The following ZNF536 variants were observed in gnomAD, a reference collection of about 807,000 sequenced individuals.
The protein encoded by ZNF536 is zinc finger protein 536.
Under a neutral mutation model 84.5 loss-of-function variants are expected in ZNF536, and 13 were observed. That is an observed-to-expected ratio of 0.15 (90% confidence interval 0.10 to 0.24). The LOEUF is 0.24. Among genes scored for constraint, ZNF536 ranks in the 10% least tolerant of loss-of-function variants. ZNF536 has a pLI of 1.00. For missense variants in ZNF536, 1,536 were observed against 1,747.5 expected (o/e 0.88, Z 2.16); for synonymous variants, 811 against 742.5 (o/e 1.09, Z -1.50).
intron 2 of ZNF536, among the ~76,000 whole-genome samples, chr19:30,289,741 C>T (rs568441275): frequency 1.3e-5 from 2 of 152,320 alleles, no homozygotes; most frequent in East Asian, 1.9e-4. Flanking sequence ...CTATCCCGCT[C>T]ATTTTTTAGG....
chr19:30,369,949 A>T (rs1372874220), upstream of ZNF536, among the ~76,000 whole-genome samples: 3 of 152,198 alleles, frequency 2.0e-5, no homozygotes, highest in Non-Finnish European at 4.4e-5. Context: ...AATTAAAAAA[A>T]ATATATGTTG....
intron 2 of ZNF536, among the ~76,000 whole-genome samples, chr19:30,512,127 C>T (rs1258721553): frequency 2.0e-5 from 3 of 152,178 alleles, no homozygotes; most frequent in Non-Finnish European, 4.4e-5. Flanking sequence ...GATCCTCTTA[C>T]TGGTGACTGG....
At chr19:30,376,445 G>T (rs901701951) in intron 1 of ZNF536, among the ~76,000 whole-genome samples, 2 of 152,192 alleles carry the variant, frequency 1.3e-5, no homozygotes, top group African/African-American at 4.8e-5. Flanking sequence ...AGATAATGAG[G>T]CTGGGAACAG....
chr19:30,682,486 C>T (rs1600250951), intron 1 of ZNF536, among the ~76,000 whole-genome samples: 1 of 152,204 alleles, frequency 6.6e-6, no homozygotes, highest in African/African-American at 2.4e-5. Flanking sequence ...GACCAGCTCT[C>T]GGATCAAGCT....
intron 2 of ZNF536, among the ~76,000 whole-genome samples, chr19:30,446,812 A>AAAC (rs141206450): frequency 0.074 from 6,522 of 87,658 alleles, 348 homozygotes; most frequent in African/African-American, 0.18. Context: ...AAAAAAACCA[A>AAAC]AACAACAACA....
At chr19:30,566,641 G>A (rs1402836660) in intron 1 of ZNF536, among the ~76,000 whole-genome samples, 4 of 151,318 alleles carry the variant, frequency 2.6e-5, no homozygotes, top group Admixed American at 6.6e-5. Context: ...CCGGGCAGTG[G>A]GGGGATCCCT....
intron 1 of ZNF536, among the ~76,000 whole-genome samples, chr19:30,247,169 A>G (rs2024326272): frequency 6.6e-6 from 1 of 152,228 alleles, no homozygotes; most frequent in Non-Finnish European, 1.5e-5. Context: ...GTGAATGAAA[A>G]TAAGATATGT....
chr19:30,436,963 A>C (rs79711041), intron 1 of ZNF536, among the ~76,000 whole-genome samples: 3,700 of 152,294 alleles, frequency 0.024, 160 homozygotes, highest in African/African-American at 0.085. Flanking sequence ...AGTTTCACCC[A>C]CGTCGATGAA....
intron 1 of ZNF536, among the ~76,000 whole-genome samples, chr19:30,610,820 T>A (rs1005540322): frequency 3.3e-5 from 5 of 152,190 alleles, no homozygotes; most frequent in Admixed American, 1.3e-4. Flanking sequence ...CAGAGAGAGC[T>A]GCTTCTAGCC....
At chr19:30,296,056 T>C (rs1445214323) in intron 2 of ZNF536, 1 of 152,264 alleles carries the variant, frequency 6.6e-6, no homozygotes, top group East Asian at 1.9e-4. Context: ...ACCTAATGAC[T>C]GTGTACTGGG....
intron 1 of ZNF536, among the ~76,000 whole-genome samples, chr19:30,683,941 C>T (rs983553312): frequency 6.6e-6 from 1 of 152,334 alleles, no homozygotes; most frequent in Middle Eastern, 3.4e-3. Flanking sequence ...GTTAAGAATT[C>T]ATGCCTTTAG....
At chr19:30,540,606 AG>A (rs2045292075) in intron 3 of ZNF536, among the ~76,000 whole-genome samples, 4 of 152,302 alleles carry the variant, frequency 2.6e-5, no homozygotes. Flanking sequence ...AGAGACAGAG[AG>A]GTGAAGTTAT....
chr19:30,324,655 G>C (rs1219387563), intron 2 of ZNF536, among the ~76,000 whole-genome samples: 3 of 152,188 alleles, frequency 2.0e-5, no homozygotes, highest in Admixed American at 1.3e-4. Context: ...GTCTCCCAAA[G>C]TGTTGGGATT....
At chr19:30,256,166 C>G (rs777026691) in intron 1 of ZNF536, among the ~76,000 whole-genome samples, 6 of 152,136 alleles carry the variant, frequency 3.9e-5, no homozygotes, top group Non-Finnish European at 8.8e-5. Context: ...ATTTAAGGCC[C>G]CACAGAAACT....
intron 1 of ZNF536, among the ~76,000 whole-genome samples, chr19:30,582,774 A>G (rs2046967898): frequency 6.6e-6 from 1 of 151,642 alleles, no homozygotes; most frequent in Non-Finnish European, 1.5e-5. Flanking sequence ...GGAAAGGGAA[A>G]CCCCTCATAG....
chr19:30,568,669 A>G (rs143768474), intron 1 of ZNF536, among the ~76,000 whole-genome samples: 254 of 152,268 alleles, frequency 1.7e-3, no homozygotes, highest in African/African-American at 5.8e-3. Flanking sequence ...TGAGCTTTTC[A>G]TTGGAAAGGG....
intron 1 of ZNF536, among the ~76,000 whole-genome samples, chr19:30,603,432 A>C (rs1303286851): frequency 6.6e-6 from 1 of 152,194 alleles, no homozygotes; most frequent in Non-Finnish European, 1.5e-5. Flanking sequence ...AACTTTTCAA[A>C]TCTCTTTAAA....
intron 1 of ZNF536, among the ~76,000 whole-genome samples, chr19:30,581,148 A>T (rs2046906394): frequency 6.6e-6 from 1 of 152,228 alleles, no homozygotes; most frequent in Non-Finnish European, 1.5e-5. Context: ...TCAACTAATA[A>T]GTTCAACTAC....
intron 1 of ZNF536, among the ~76,000 whole-genome samples, chr19:30,399,390 C>G (rs1256741539): frequency 3.3e-5 from 5 of 151,992 alleles, no homozygotes; most frequent in Admixed American, 2.0e-4. Flanking sequence ...ATGATAGTTT[C>G]TTTTGCTGTG....
Sources: allele counts gnomAD v4.1 joint callset (sites outside exome capture counted in the v4.1 genomes callset), GRCh38; gene constraint gnomAD v4.1.1; transcripts MANE v1.5; gene names NCBI Gene and HGNC (gene_info 2026-07-23, HGNC 2026-07-21).